The following COL18A1 variants were observed in gnomAD, a reference collection of about 807,000 sequenced individuals.
The protein encoded by COL18A1 is collagen alpha-1(XVIII) chain.
A neutral mutation model predicts 168.0 loss-of-function variants in COL18A1; 133 were observed. The ratio of observed to expected loss-of-function variants is 0.79; its 90% CI spans 0.69 to 0.91. The LOEUF is 0.91. COL18A1 is among the 40% of genes least tolerant of loss of function. COL18A1 has a pLI of 0.00. For synonymous variants in COL18A1, 949 were observed against 809.0 expected (o/e 1.17, Z -2.94); for missense variants, 2,126 against 1,925.4 (o/e 1.10, Z -1.95).
intron 2 of COL18A1, among the ~76,000 whole-genome samples, chr21:45,428,539 C>G (rs1246196796): frequency 6.6e-6 from 1 of 152,216 alleles, no homozygotes; most frequent in Admixed American, 6.5e-5. Flanking sequence ...ACATTTAGTA[C>G]AGCCAGAAGG....
Position 45,425,491 on chromosome 21 carries a change from G to A in COL18A1, c.106+20018G>A, listed in dbSNP as rs370920244. The stretch of plus-strand genomic sequence containing the variant: ...GGGTGGCCCAAGGCCTCTGAAAACC[G>A]TCACGGCAGGGGTCACAACCCCACT... On this transcript the variant is annotated intron_variant, in intron 2 of 41. Coordinates refer to ENST00000651438, the MANE Select transcript of COL18A1 (RefSeq NM_001379500.1). The surrounding 1 kb of genome is among the most constrained non-coding windows in gnomAD (Gnocchi z 4.1). Among the ~76,000 whole-genome samples, 8 of 152,180 alleles carry A rather than the reference G, an allele frequency of 5.3e-5. No individual in the cohort carries two copies. The highest frequency in any genetic ancestry group is 1.3e-4 in the Admixed American group (2 of 15,278).
At chr21:45,486,802 G>T in intron 15 of COL18A1, 59 bp from the exon 16 acceptor site, 1 of 1,518,514 alleles carries the variant, frequency 6.6e-7, no homozygotes, top group Non-Finnish European at 8.8e-7. Flanking sequence ...TCTACGCTGG[G>T]GTTGCAGGGC....
Position 45,495,368 on chromosome 21 carries a change from GGATGAACGGATTGAAA to G in COL18A1, c.2446_2461del (p.Met816GlufsTer15). On this transcript the variant is annotated frameshift_variant, in exon 29 of 42. Transcript: ENST00000651438. LOFTEE classifies it high-confidence loss of function. Reference sequence around the variant, plus strand: ...TGTGCTCCGCCCCAGGGTCGCCCCGGGATGAACGGATTGAAAGGAGAGAAAGGGGAGCCGGGAGATG... The same window carrying G: ...TGTGCTCCGCCCCAGGGTCGCCCCGGGGAGAGAAAGGGGAGCCGGGAGATG... 6.2e-7 allele frequency: 1 copy of G among 1,610,298 alleles called. No individual in the cohort carries two copies. Among genetic ancestry groups the G allele is most frequent in the Non-Finnish European group, 8.5e-7 (1 of 1,178,440 alleles).
intron 2 of COL18A1, among the ~76,000 whole-genome samples, chr21:45,407,173 A>G (rs2033142768): frequency 6.6e-6 from 1 of 152,256 alleles, no homozygotes; most frequent in African/African-American, 2.4e-5. Flanking sequence ...CTGAAATGGG[A>G]AAACAGTCGC....
intron 9 of COL18A1, among the ~76,000 whole-genome samples, chr21:45,479,581 TCA>T (rs374162848): frequency 1.3e-5 from 2 of 150,712 alleles, no homozygotes; most frequent in African/African-American, 2.4e-5. Context: ...ACCACACTCC[TCA>T]CACACACACC....
intron 2 of COL18A1, chr21:45,424,467 AG>A (rs1336670339): frequency 6.6e-6 from 1 of 152,368 alleles, no homozygotes; most frequent in Non-Finnish European, 1.5e-5. Flanking sequence ...ACCTGCCCCA[AG>A]GTGCCCCACA....
intron 15 of COL18A1, among the ~76,000 whole-genome samples, chr21:45,484,202 CACAT>C (rs2036009109): frequency 6.7e-6 from 1 of 148,254 alleles, no homozygotes; most frequent in South Asian, 2.2e-4. Context: ...TGTGCACACA[CACAT>C]AGGCACACAC....
chr21:45,450,362 G>A (rs998566678), intron 2 of COL18A1, among the ~76,000 whole-genome samples: 2 of 152,136 alleles, frequency 1.3e-5, no homozygotes, highest in African/African-American at 2.4e-5. Flanking sequence ...TGGGAGACCC[G>A]CGGAGAGGCA....
In COL18A1 at chr21:45,443,215, T is replaced by A. The variant is rs2145822505; in HGVS notation, c.107-25027T>A. Among the ~76,000 whole-genome samples the A allele has an allele frequency of 6.6e-6, 1 of 151,952 alleles. No homozygotes were observed. The highest frequency in any genetic ancestry group is 2.1e-4 in the South Asian group (1 of 4,808). On this transcript the variant is annotated intron_variant, in intron 2 of 41. Coordinates refer to ENST00000651438, the MANE Select transcript of COL18A1 (RefSeq NM_001379500.1). The surrounding 1 kb of genome is among the most constrained non-coding windows in gnomAD (Gnocchi z 5.2). ...TGGGTCTTGCATCCAGCACAGGTCC[T>A]GGTGCCTGGGAGGTGCTTACCCCAT... is the stretch of plus-strand genomic sequence containing the variant.
At chr21:45,504,282 T>A in intron 33 of COL18A1, 134 bp from the exon 34 acceptor site, 1 of 966,426 alleles carries the variant, frequency 1.0e-6, no homozygotes, top group South Asian at 1.6e-5. Flanking sequence ...CGAGCCCTAT[T>A]CTATGCAGCC....
Position 45,507,593 on chromosome 21 carries a change from G to T in COL18A1, c.3249G>T (p.Thr1083=). 6.2e-7 allele frequency: 1 copy of T among 1,612,986 alleles called. No homozygotes were observed. The highest frequency in any genetic ancestry group is 8.5e-7 in the Non-Finnish European group (1 of 1,179,790). The change falls in exon 38 of 42, where the codon ACG becomes ACT. Residue 1083 remains threonine (T), a splice_region_variant and synonymous_variant. Coordinates refer to ENST00000651438, the MANE Select transcript of COL18A1 (RefSeq NM_001379500.1). ...CCCGGACACCACTCCCACGAGGGACGGTAAGGAGCCTTTTTTCTGTTGAGA... is the reference window on the plus strand; with the variant it reads ...CCCGGACACCACTCCCACGAGGGACTGTAAGGAGCCTTTTTTCTGTTGAGA... The part of the protein sequence containing the change: ...LEARTPLPRG[T]DNEVAALQPP...
rs1373350140 is a variant in COL18A1 at position 45,493,206 on chromosome 21, G to A, written c.2258G>A (p.Arg753Gln). 18 of 1,561,724 alleles carry A rather than the reference G, an allele frequency of 1.2e-5. No individual in the cohort carries two copies. The Admixed American group carries it at 2.6e-4, about 23-fold the overall frequency. Reference sequence around the variant, plus strand: ...GGCAACCTGGGCTCTAAGGGCGAACGAGGCTCCCCGGGACCCAAGGTAAGG... The same window carrying A: ...GGCAACCTGGGCTCTAAGGGCGAACAAGGCTCCCCGGGACCCAAGGTAAGG... ...PKGNLGSKGERGSPGPKGEKG... is the reference protein window; with the variant it reads ...PKGNLGSKGEQGSPGPKGEKG... Residue 753 changes from arginine to glutamine, a missense_variant, in exon 25 of 42, where the codon CGA becomes CAA. Physicochemically the swap from Arg to Gln is conservative, Grantham distance 43. Transcript: ENST00000651438.
chr21:45,491,012 G>A, intron 21 of COL18A1, 141 bp downstream of exon 21: 1 of 934,956 alleles, frequency 1.1e-6, no homozygotes, highest in East Asian at 2.6e-5. Flanking sequence ...AGTTGACAGG[G>A]GTGGCTTTCA....
chr21:45,417,071 C>A (rs1309474809), intron 2 of COL18A1, among the ~76,000 whole-genome samples: 1 of 152,144 alleles, frequency 6.6e-6, no homozygotes, highest in Non-Finnish European at 1.5e-5. Context: ...TTCTGACTGT[C>A]GGTGTTCTTG....
rs73907526 is a variant in COL18A1 at position 45,475,243 on chromosome 21, G to A, written c.739-233G>A. Reference sequence around the variant, plus strand: ...CACCGGCCGAGGCAGGTTCAGAAGCGTCACTGTCCTCGACCCGATTGGACA... The same window carrying A: ...CACCGGCCGAGGCAGGTTCAGAAGCATCACTGTCCTCGACCCGATTGGACA... On this transcript the variant is annotated intron_variant, in intron 4 of 41. Coordinates refer to ENST00000651438, the MANE Select transcript of COL18A1 (RefSeq NM_001379500.1). Among the ~76,000 whole-genome samples, 650 of 152,332 alleles carry A rather than the reference G, an allele frequency of 4.3e-3. 6 individuals carry two copies. Among genetic ancestry groups the A allele is most frequent in the African/African-American group, 0.015 (628 of 41,584 alleles).
chr21:45,435,727 T>C (rs1192810651), intron 2 of COL18A1, among the ~76,000 whole-genome samples: 2 of 152,004 alleles, frequency 1.3e-5, no homozygotes, highest in African/African-American at 4.8e-5. Context: ...GGGTCTGCCG[T>C]GGGCTGAGGC....
At chr21:45,508,707 T>C (rs2037398639) in intron 38 of COL18A1, among the ~76,000 whole-genome samples, 1 of 152,174 alleles carries the variant, frequency 6.6e-6, no homozygotes, top group Non-Finnish European at 1.5e-5. Context: ...CAGTCTGCTC[T>C]CACTCATTTG....
At position 45,486,866 on chromosome 21, in the gene COL18A1, C is replaced by T. The variant is rs559725056; in HGVS notation, c.1707C>T (p.Ser569=). 2,391 of 1,528,548 alleles carry T rather than the reference C, an allele frequency of 1.6e-3. 2 individuals carry two copies. The highest frequency in any genetic ancestry group is 3.6e-3 in the Middle Eastern group (17 of 4,756). The allele number at this position is 1,528,548 out of a possible 1,614,324, so 94.7% of individuals were successfully genotyped here. The change falls in exon 16 of 42, where the codon AGC becomes AGT. Residue 569 remains serine (S), a synonymous_variant. Coordinates refer to ENST00000651438, the MANE Select transcript of COL18A1 (RefSeq NM_001379500.1). ...GEAGAPGHKG[S]KGAPGPAGAR... ...GCTCTCCTCACCCCACGCAGGGGAGCAAGGGAGCCCCCGGTCCTGCTGGTG... is the reference window on the plus strand; with the variant it reads ...GCTCTCCTCACCCCACGCAGGGGAGTAAGGGAGCCCCCGGTCCTGCTGGTG...
At chr21:45,504,617 G>T in intron 34 of COL18A1, 61 bp downstream of exon 34, 1 of 1,474,062 alleles carries the variant, frequency 6.8e-7, no homozygotes, top group South Asian at 1.2e-5. Context: ...AGGAGCCGAG[G>T]GCAGGTCCAG....
Sources: gnomAD v4.1 joint callset for allele counts (sites outside exome capture counted in the v4.1 genomes callset) on GRCh38, gnomAD v4.1.1 for gene constraint, Gnocchi (gnomAD v3.1) non-coding constraint, MANE v1.5 for transcripts, NCBI Gene and HGNC (gene_info 2026-07-23, HGNC 2026-07-21) for gene names.